Variants in CSNK1G3 observed in about 807,000 individuals in gnomAD.
CSNK1G3 encodes the protein casein kinase I isoform gamma-3.
In CSNK1G3, 23 loss-of-function variants were observed where a neutral mutation model predicts 64.3. That is an observed-to-expected ratio of 0.36 (90% CI 0.26 to 0.51). The LOEUF (loss-of-function observed/expected upper bound fraction) is 0.51. CSNK1G3 is among the 20% of genes least tolerant of loss of function. CSNK1G3 has a pLI of 0.96. For missense variants in CSNK1G3, 357 were observed against 510.5 expected, an observed-to-expected ratio of 0.70 and a Z score of 2.90; for synonymous variants, 158 against 162.2, an observed-to-expected ratio of 0.97 and a Z score of 0.20.
chr5:123,523,041 T>G (rs1395284379), intron 1 of CSNK1G3, among the ~76,000 whole-genome samples: 1 of 152,182 alleles, frequency 6.6e-6, no homozygotes, highest in African/African-American at 2.4e-5. Context: ...AAAAAGTTAT[T>G]CATTTTAGGT....
intron 12 of CSNK1G3, 85 bp from the exon 14 acceptor site, chr5:123,614,257 A>G (rs972650699): frequency 1.5e-6 from 2 of 1,340,790 alleles, no homozygotes; most frequent in African/African-American, 3.0e-5. Flanking sequence ...GTTGCTTTTT[A>G]TGATCATTTA....
intron 4 of CSNK1G3, among the ~76,000 whole-genome samples, chr5:123,563,205 A>C (rs1183894832): frequency 6.6e-6 from 1 of 152,038 alleles, no homozygotes; most frequent in Non-Finnish European, 1.5e-5. Flanking sequence ...ATTCTTGGCA[A>C]ATCTCTGACT....
At chr5:123,547,684 A>G (rs1782803941) in intron 2 of CSNK1G3, among the ~76,000 whole-genome samples, 1 of 151,976 alleles carries the variant, frequency 6.6e-6, no homozygotes, top group Non-Finnish European at 1.5e-5. Flanking sequence ...TGGGTCTTTG[A>G]TGTGTGTATA....
chr5:123,514,483 T>C (rs189984127), intron 1 of CSNK1G3, among the ~76,000 whole-genome samples: 2 of 152,198 alleles, frequency 1.3e-5, no homozygotes, highest in African/African-American at 2.4e-5. Flanking sequence ...GATGGAACAG[T>C]GGGTAGAATA....
chr5:123,580,694 C>A (rs530934766), intron 6 of CSNK1G3, among the ~76,000 whole-genome samples: 71 of 152,052 alleles, frequency 4.7e-4, no homozygotes, highest in Non-Finnish European at 9.3e-4. Context: ...CTGCCCTGAA[C>A]CTCATAATCT....
At chr5:123,513,907 C>T (rs1264738745) in intron 1 of CSNK1G3, among the ~76,000 whole-genome samples, 2 of 151,872 alleles carry the variant, frequency 1.3e-5, no homozygotes, top group East Asian at 3.9e-4. Context: ...TTGAGCTGTA[C>T]TTAGTGTATT....
intron 10 of CSNK1G3, among the ~76,000 whole-genome samples, chr5:123,592,036 T>G (rs1474184464): frequency 6.6e-6 from 1 of 151,996 alleles, no homozygotes; most frequent in Non-Finnish European, 1.5e-5. Flanking sequence ...TTATTATTAT[T>G]ACAATAAATA....
chr5:123,521,083 A>G (rs1006849554), intron 1 of CSNK1G3, among the ~76,000 whole-genome samples: 1 of 152,120 alleles, frequency 6.6e-6, no homozygotes, highest in Non-Finnish European at 1.5e-5. Context: ...AATTTGGAGT[A>G]CAAAAATAGT....
intron 1 of CSNK1G3, among the ~76,000 whole-genome samples, chr5:123,523,410 C>G (rs191863960): frequency 6.6e-6 from 1 of 152,092 alleles, no homozygotes; most frequent in African/African-American, 2.4e-5. Context: ...CAGGAACACC[C>G]TCAGCAGTTA....
chr5:123,594,625 C>A (rs936459034), intron 10 of CSNK1G3, among the ~76,000 whole-genome samples: 2 of 152,126 alleles, frequency 1.3e-5, no homozygotes, highest in South Asian at 4.1e-4. Flanking sequence ...CTAAAAATAG[C>A]TCCTCATCAG....
At chr5:123,531,924 TGGGTGCC>T (rs1296440476) in intron 1 of CSNK1G3, among the ~76,000 whole-genome samples, 1 of 151,874 alleles carries the variant, frequency 6.6e-6, no homozygotes, top group Admixed American at 6.6e-5. Flanking sequence ...TTTATTTTAA[TGGGTGCC>T]TAATTTTTAA....
intron 1 of CSNK1G3, among the ~76,000 whole-genome samples, chr5:123,521,774 A>G (rs951037640): frequency 6.6e-6 from 1 of 152,180 alleles, no homozygotes; most frequent in Non-Finnish European, 1.5e-5. Context: ...ATTTAACTAA[A>G]TAGATGAGAG....
chr5:123,553,825 C>A (rs1435191912), intron 3 of CSNK1G3, among the ~76,000 whole-genome samples: 1 of 152,194 alleles, frequency 6.6e-6, no homozygotes, highest in Non-Finnish European at 1.5e-5. Context: ...TTCCCTGTTT[C>A]ATTCATTAAG....
chr5:123,592,461 TTC>T (rs750011847), intron 10 of CSNK1G3, among the ~76,000 whole-genome samples: 1 of 151,398 alleles, frequency 6.6e-6, no homozygotes, highest in Non-Finnish European at 1.5e-5. Flanking sequence ...CTCTCTCTCT[TTC>T]TCTTTTTTTT....
exon 13 of CSNK1G3, chr5:123,616,197 A>G (rs1749421783): frequency 6.6e-6 from 1 of 152,614 alleles, no homozygotes; most frequent in Non-Finnish European, 1.5e-5. Flanking sequence ...CAGGAGTTAC[A>G]TACTGAGTTT....
chr5:123,565,093 G>T (rs1786570001), intron 4 of CSNK1G3, among the ~76,000 whole-genome samples: 2 of 152,100 alleles, frequency 1.3e-5, no homozygotes, highest in African/African-American at 4.8e-5. Context: ...CAATTTTGTT[G>T]ATATACTTTC....
intron 6 of CSNK1G3, among the ~76,000 whole-genome samples, chr5:123,578,438 ATCT>A (rs1789595143): frequency 6.6e-6 from 1 of 151,974 alleles, no homozygotes; most frequent in African/African-American, 2.4e-5. Flanking sequence ...CTATTTGTAT[ATCT>A]TCTTTTGAAA....
chr5:123,602,253 G>T (rs912200935), intron 10 of CSNK1G3, among the ~76,000 whole-genome samples: 1 of 152,236 alleles, frequency 6.6e-6, no homozygotes, highest in Non-Finnish European at 1.5e-5. Flanking sequence ...TTCCATATAG[G>T]ATATAGGAAA....
At chr5:123,523,078 T>C (rs182734981) in intron 1 of CSNK1G3, among the ~76,000 whole-genome samples, 1 of 152,210 alleles carries the variant, frequency 6.6e-6, no homozygotes, top group African/African-American at 2.4e-5. Flanking sequence ...ACAATATCAT[T>C]GAGCTGTATT....
Sources: gnomAD v4.1 joint callset for allele counts (sites outside exome capture counted in the v4.1 genomes callset) on GRCh38, gnomAD v4.1.1 for gene constraint, MANE v1.5 for transcripts, NCBI Gene and HGNC (gene_info 2026-07-23, HGNC 2026-07-21) for gene names.